ATRNL1: variants seen among roughly 807,000 people sequenced by gnomAD.
ATRNL1 encodes the protein attractin like 1, also known as attractin-like protein 1.
A neutral mutation model predicts 182.7 loss-of-function variants in ATRNL1; 95 were observed. That is an observed-to-expected ratio of 0.52 (90% confidence interval 0.44 to 0.62). The LOEUF (loss-of-function observed/expected upper bound fraction) is 0.62, where lower values mean the gene tolerates loss of function less well. Among genes scored for constraint, ATRNL1 ranks in the 20% least tolerant of loss-of-function variants. The probability of loss-of-function intolerance (pLI) is 0.00; values close to 1 mark genes in which losing one functional copy is unlikely to be tolerated. For synonymous variants in ATRNL1, 576 were observed against 568.3 expected, an observed-to-expected ratio of 1.01 and a Z score of -0.19; for missense variants, 1,471 against 1,679.5, an observed-to-expected ratio of 0.88 and a Z score of 2.17.
At chr10:115,277,089 G>A (rs1019756588) in intron 13 of ATRNL1, among the ~76,000 whole-genome samples, 7 of 151,752 alleles carry the variant, frequency 4.6e-5, no homozygotes, top group African/African-American at 1.7e-4. Flanking sequence ...GCTATCAAAT[G>A]TTTAGAACTA....
At chr10:115,129,848 T>C (rs1845145062) in intron 5 of ATRNL1, among the ~76,000 whole-genome samples, 1 of 152,274 alleles carries the variant, frequency 6.6e-6, no homozygotes, top group African/African-American at 2.4e-5. Flanking sequence ...TTTGGTGACT[T>C]CACTGAATTT....
At chr10:115,619,127 G>A (rs564673735) in intron 26 of ATRNL1, among the ~76,000 whole-genome samples, 43 of 152,248 alleles carry the variant, frequency 2.8e-4, no homozygotes, top group African/African-American at 1.0e-3. Context: ...TTTAGGTTGT[G>A]GTTGTTTGTG....
intron 26 of ATRNL1, among the ~76,000 whole-genome samples, chr10:115,584,307 T>C (rs1855348311): frequency 7.8e-6 from 1 of 128,606 alleles, no homozygotes; most frequent in African/African-American, 2.6e-5. Context: ...TTGATTGGAA[T>C]AGTTTCAGAA....
chr10:115,440,983 C>T (rs559928502), intron 21 of ATRNL1, among the ~76,000 whole-genome samples: 12 of 151,622 alleles, frequency 7.9e-5, no homozygotes, highest in Non-Finnish European at 1.8e-4. Context: ...CAAATAGATG[C>T]GAATGTTCCC....
chr10:115,624,512 T>C (rs963681542), intron 26 of ATRNL1, among the ~76,000 whole-genome samples: 5 of 152,120 alleles, frequency 3.3e-5, no homozygotes, highest in Non-Finnish European at 5.9e-5. Flanking sequence ...AATTTAACAA[T>C]GAGATATAAA....
intron 26 of ATRNL1, among the ~76,000 whole-genome samples, chr10:115,700,048 C>T (rs1555051004): frequency 6.6e-6 from 1 of 152,160 alleles, no homozygotes; most frequent in Non-Finnish European, 1.5e-5. Context: ...TGTAGAATTC[C>T]ATGGTGTATA....
chr10:115,726,318 T>C (rs1947596015), intron 26 of ATRNL1, among the ~76,000 whole-genome samples: 1 of 152,238 alleles, frequency 6.6e-6, no homozygotes, highest in Non-Finnish European at 1.5e-5. Flanking sequence ...TCAAGGATTT[T>C]GCCTTTCTTC....
intron 13 of ATRNL1, among the ~76,000 whole-genome samples, chr10:115,271,566 C>T (rs1592358798): frequency 6.6e-6 from 1 of 152,104 alleles, no homozygotes; most frequent in Non-Finnish European, 1.5e-5. Context: ...GACAAATGCA[C>T]ACGTATGTTT....
At chr10:115,624,533 G>C (rs1417018805) in intron 26 of ATRNL1, among the ~76,000 whole-genome samples, 2 of 152,150 alleles carry the variant, frequency 1.3e-5, no homozygotes, top group Non-Finnish European at 2.9e-5. Flanking sequence ...AGCAATGTGA[G>C]AGTGGTATGC....
intron 19 of ATRNL1, among the ~76,000 whole-genome samples, chr10:115,386,911 G>A (rs1374853551): frequency 6.8e-6 from 1 of 146,434 alleles, no homozygotes; most frequent in South Asian, 2.2e-4. Context: ...GAGAACATGC[G>A]GTGTTTGGTT....
At chr10:115,637,605 A>ATTATTT (rs1555028679) in intron 26 of ATRNL1, among the ~76,000 whole-genome samples, 1 of 92,344 alleles carries the variant, frequency 1.1e-5, no homozygotes, top group Non-Finnish European at 2.6e-5. Context: ...ATTTATTACT[A>ATTATTT]TTATTATTAT....
chr10:115,357,686 A>G (rs1169846688), intron 19 of ATRNL1, among the ~76,000 whole-genome samples: 1 of 151,574 alleles, frequency 6.6e-6, no homozygotes, highest in Non-Finnish European at 1.5e-5. Flanking sequence ...TTTATGGCCA[A>G]TTTATTGATT....
intron 21 of ATRNL1, among the ~76,000 whole-genome samples, chr10:115,453,619 A>G (rs1242312531): frequency 6.6e-6 from 1 of 152,068 alleles, no homozygotes; most frequent in Non-Finnish European, 1.5e-5. Flanking sequence ...ATGCAGCCAT[A>G]AAAAATGATG....
chr10:115,902,469 A>G (rs1235485935), intron 28 of ATRNL1, among the ~76,000 whole-genome samples: 2 of 152,170 alleles, frequency 1.3e-5, no homozygotes, highest in Non-Finnish European at 2.9e-5. Context: ...TAAAAAGACA[A>G]AGGGATCTAT....
chr10:115,834,861 A>AGAGCAAAC (rs1950634159), intron 27 of ATRNL1, among the ~76,000 whole-genome samples: 1 of 152,168 alleles, frequency 6.6e-6, no homozygotes, highest in South Asian at 2.1e-4. Context: ...TCTTCCACCC[A>AGAGCAAAC]AAGGGTTTAG....
chr10:115,576,762 GT>G (rs1373864749), intron 26 of ATRNL1, among the ~76,000 whole-genome samples: 2 of 151,818 alleles, frequency 1.3e-5, no homozygotes, highest in East Asian at 3.9e-4. Context: ...CTTAATTTTG[GT>G]TTTGTTGCCT....
rs534647099 is a variant in ATRNL1, at chr10:115,948,433, G to A, written c.*3654G>A. On this transcript the variant is annotated 3_prime_UTR_variant, in exon 29 of 29. Coordinates refer to ENST00000355044, the MANE Select transcript of ATRNL1 (RefSeq NM_207303.4). The stretch of plus-strand genomic sequence containing the variant: ...CCCACCTATGGTCTTTTTAAATGTC[G>A]AGTTTCAAAACCCATTTGCCGTATA... 10 of 152,180 alleles carry A rather than the reference G, an allele frequency of 6.6e-5. No individual in the cohort carries two copies. Among genetic ancestry groups the A allele is most frequent in the African/African-American group, 1.2e-4 (5 of 41,530 alleles). The allele number at this position is 152,180 out of a possible 1,614,324, so 9.4% of individuals were successfully genotyped here.
chr10:115,684,091 G>C (rs1946140700), intron 26 of ATRNL1, among the ~76,000 whole-genome samples: 1 of 151,574 alleles, frequency 6.6e-6, no homozygotes, highest in Non-Finnish European at 1.5e-5. Context: ...TTATTGTTCT[G>C]TATTAATTAT....
chr10:115,829,991 G>A (rs1950523596), intron 27 of ATRNL1, among the ~76,000 whole-genome samples: 1 of 152,194 alleles, frequency 6.6e-6, no homozygotes, highest in African/African-American at 2.4e-5. Context: ...TACAGTAAGT[G>A]CAGTAAGTGT....
Sources: allele counts gnomAD v4.1 joint callset (sites outside exome capture counted in the v4.1 genomes callset), GRCh38; gene constraint gnomAD v4.1.1; transcripts MANE v1.5; gene names NCBI Gene and HGNC (gene_info 2026-07-23, HGNC 2026-07-21).